ANXA6: variants seen among roughly 807,000 people sequenced by gnomAD.
ANXA6 encodes annexin A6, also known as 67 kDa calelectrin.
ANXA6 carries 71 observed loss-of-function variants against 95.4 expected under a neutral mutation model. The ratio of observed to expected loss-of-function variants is 0.74; its 90% confidence interval spans 0.61 to 0.91. The LOEUF is 0.91. ANXA6 is among the 40% of genes least tolerant of loss of function. The pLI is 0.00. For missense variants in ANXA6, 830 were observed against 876.4 expected, an observed-to-expected ratio of 0.95 and a Z score of 0.67; for synonymous variants, 289 against 315.9, an observed-to-expected ratio of 0.91 and a Z score of 0.90.
In ANXA6 at chr5:151,129,824, C is replaced by A. The variant is rs147308113; in HGVS notation, c.796-295G>T. The stretch of plus-strand genomic sequence containing the variant: ...CTTCCAGACTCAAGCAATTCTCCTG[C>A]CTCAGCTTCCTGAGCAGCTGGGAGT... On this transcript the variant is annotated intron_variant, in intron 11 of 25. Transcript: ENST00000354546. 4.5e-3 allele frequency among the ~76,000 whole-genome samples: 684 copies of A among 152,218 alleles called. 8 individuals are homozygous for A. The highest frequency in any genetic ancestry group is 0.015 in the African/African-American group (629 of 41,532).
At chr5:151,144,120 G>A (rs1765914519) in intron 2 of ANXA6, among the ~76,000 whole-genome samples, 1 of 152,186 alleles carries the variant, frequency 6.6e-6, no homozygotes, top group African/African-American at 2.4e-5. Context: ...GGCAGCTCTA[G>A]CCCTGCTGGG....
At chr5:151,110,753 G>A in intron 20 of ANXA6, 109 bp from the exon 21 acceptor site, 1 of 1,223,876 alleles carries the variant, frequency 8.2e-7, no homozygotes, top group Non-Finnish European at 1.2e-6. Flanking sequence ...GCCTGGCTGG[G>A]AGTGGGAGAG....
chr5:151,126,548 AC>A, intron 13 of ANXA6, 68 bp from the exon 14 acceptor site: 14 of 438,590 alleles, frequency 3.2e-5, no homozygotes, highest in Non-Finnish European at 4.6e-5. Context: ...ACACCAACAC[AC>A]ACACACACAC....
intron 1 of ANXA6, 97 bp from the exon 2 acceptor site, chr5:151,148,023 C>T: frequency 8.1e-7 from 1 of 1,239,556 alleles, no homozygotes; most frequent in Non-Finnish European, 1.2e-6. Context: ...TCCAGCTGCC[C>T]CCAGCCCTTC....
In ANXA6 at chr5:151,117,632, G is replaced by T. The variant is rs1191208750; in HGVS notation, c.1518+126C>A. The T allele has an allele frequency of 6.2e-6, 5 of 809,304 alleles. No homozygotes were observed. The Admixed American group carries it at 8.8e-5, about 14-fold the overall frequency. The allele number at this position is 809,304 out of a possible 1,614,324, so 50.1% of individuals were successfully genotyped here. A position where few individuals can be genotyped will look rare whatever the true frequency, so the allele number is the denominator to read the frequency against. ...GCGGTGGAACTCTAAGGAGGCAAGTGGGGAGACACCCCCTCTCCATCAGGA... is the reference window on the plus strand; with the variant it reads ...GCGGTGGAACTCTAAGGAGGCAAGTTGGGAGACACCCCCTCTCCATCAGGA... On this transcript the variant is annotated intron_variant, in intron 19 of 25. Transcript: ENST00000354546.
chr5:151,149,717 C>G (rs544632300), intron 1 of ANXA6, among the ~76,000 whole-genome samples: 32 of 152,156 alleles, frequency 2.1e-4, no homozygotes, highest in Non-Finnish European at 1.9e-4. Context: ...AACTCCTGCC[C>G]TTGTGATCTG....
chr5:151,118,578 C>T (rs1408625586), intron 18 of ANXA6, among the ~76,000 whole-genome samples: 1 of 152,058 alleles, frequency 6.6e-6, no homozygotes, highest in Non-Finnish European at 1.5e-5. Context: ...GGGCTACAGG[C>T]GCATGCCACC....
In ANXA6 at chr5:151,105,257, G is replaced by T; in HGVS notation, c.1827C>A (p.Tyr609Ter). 6.2e-7 allele frequency: 1 copy of T among 1,613,974 alleles called. No individual in the cohort carries two copies. The highest frequency in any genetic ancestry group is 8.5e-7 in the Non-Finnish European group (1 of 1,179,826). Residue 609 changes from tyrosine to a stop codon, truncating the protein, a stop_gained, in exon 24 of 26, where the codon TAC becomes TAA. Coordinates refer to ENST00000354546, the MANE Select transcript of ANXA6 (RefSeq NM_001155.5). LOFTEE classifies it high-confidence loss of function. ...NKPLFFADKL[Y>*]KSMKGAGTDE... ...CATGTTTTCTTACCTTCATGGATTT[G>T]TAAAGTTTGTCGGCAAAGAAGAGAG...
At chr5:151,139,934 T>A (rs1765779559) in intron 3 of ANXA6, among the ~76,000 whole-genome samples, 1 of 152,208 alleles carries the variant, frequency 6.6e-6, no homozygotes, top group African/African-American at 2.4e-5. Flanking sequence ...GTTCTTAAAT[T>A]TGGTGGTAAA....
intron 5 of ANXA6, among the ~76,000 whole-genome samples, chr5:151,138,420 C>G (rs113537268): frequency 0.012 from 1,801 of 152,230 alleles, 42 homozygotes; most frequent in African/African-American, 0.041. Flanking sequence ...GTGTTGGACA[C>G]AATTTGTCTC....
intron 11 of ANXA6, among the ~76,000 whole-genome samples, chr5:151,130,632 T>C (rs937803060): frequency 8.5e-5 from 13 of 152,206 alleles, no homozygotes; most frequent in African/African-American, 3.1e-4. Context: ...CCAACCTCAT[T>C]ATGGCACACT....
At chr5:151,120,948 G>C (rs1322230626) in intron 17 of ANXA6, among the ~76,000 whole-genome samples, 2 of 152,160 alleles carry the variant, frequency 1.3e-5, no homozygotes, top group African/African-American at 4.8e-5. Flanking sequence ...GAGCCTCTCT[G>C]TTTCCCACTT....
rs954272800 is a variant in ANXA6 at position 151,132,393 on chromosome 5, C to T, written c.736+83G>A. ...TTCCCAATTCTATACCATGTAATTC[C>T]CCTTTCCATTCTCAGCCCCTTGTTC... is the stretch of plus-strand genomic sequence containing the variant. On this transcript the variant is annotated intron_variant, in intron 10 of 25. Transcript: ENST00000354546. 3 of 1,040,904 alleles carry T rather than the reference C, an allele frequency of 2.9e-6. No homozygotes were observed. The African/African-American group carries it at 4.8e-5, about 17-fold the overall frequency. The allele number at this position is 1,040,904 out of a possible 1,614,324, so 64.5% of individuals were successfully genotyped here. A position where few individuals can be genotyped will look rare whatever the true frequency, so the allele number is the denominator to read the frequency against.
intron 1 of ANXA6, among the ~76,000 whole-genome samples, chr5:151,156,776 T>A (rs570934644): frequency 6.6e-6 from 1 of 152,202 alleles, no homozygotes; most frequent in Admixed American, 6.5e-5. Flanking sequence ...AAATCTATAA[T>A]CAAGACTCCC....
chr5:151,121,872 G>T lies in ANXA6; in HGVS notation c.1347+275C>A, dbSNP rs542912035. On this transcript the variant is annotated intron_variant, in intron 17 of 25. Transcript: ENST00000354546. ...GGACATATGCCACCATGAGGAGAAA[G>T]GCTGCCTGAGAGTGAAGCCAGAAGG... Among the ~76,000 whole-genome samples the T allele has an allele frequency of 3.9e-5, 6 of 152,336 alleles. No homozygotes were observed. The South Asian group carries it at 1.2e-3, about 32-fold the overall frequency.
intron 20 of ANXA6, 144 bp from the exon 21 acceptor site, chr5:151,110,788 G>C: frequency 4.9e-6 from 4 of 813,048 alleles, no homozygotes; most frequent in East Asian, 2.7e-5. Context: ...GAGAGAACCC[G>C]GGATGCGAAA....
At position 151,103,683 on chromosome 5, in the gene ANXA6, T is replaced by A; in HGVS notation, c.1849A>T (p.Thr617Ser). ...ATCCTGGTCAGAGTCTTCTCATCTGTGCCAGCACCCTGGTGGAGCCAGGCA... is the reference window on the plus strand; with the variant it reads ...ATCCTGGTCAGAGTCTTCTCATCTGAGCCAGCACCCTGGTGGAGCCAGGCA... The part of the protein sequence containing the change: ...KLYKSMKGAG[T>S]DEKTLTRIMV... The change falls in exon 25 of 26, where the codon ACA (threonine) becomes TCA (serine). Residue 617 changes from threonine to serine, a missense_variant. Transcript: ENST00000354546. 1 of 1,609,774 alleles carries A rather than the reference T, an allele frequency of 6.2e-7. No individual in the cohort carries two copies. The highest frequency in any genetic ancestry group is 8.5e-7 in the Non-Finnish European group (1 of 1,178,130).
chr5:151,136,194 C>G (rs1765655005), intron 7 of ANXA6, 62 bp downstream of exon 7: 1 of 1,528,374 alleles, frequency 6.5e-7, no homozygotes, highest in Non-Finnish European at 9.0e-7. Context: ...AGATCTACAC[C>G]CAGATGAGCC....
At chr5:151,105,209 G>A in intron 24 of ANXA6, 36 bp downstream of exon 24, 3 of 1,594,006 alleles carry the variant, frequency 1.9e-6, no homozygotes, top group East Asian at 2.2e-5. Flanking sequence ...GTAAGTCAGT[G>A]CTTGAAGGGA....
Sources: gnomAD v4.1 joint callset for allele counts (sites outside exome capture counted in the v4.1 genomes callset) on GRCh38, gnomAD v4.1.1 for gene constraint, MANE v1.5 for transcripts, NCBI Gene and HGNC (gene_info 2026-07-23, HGNC 2026-07-21) for gene names.